The following FUT9 variants were observed in gnomAD, a reference collection of about 807,000 sequenced individuals.
The protein encoded by FUT9 is 4-galactosyl-N-acetylglucosaminide 3-alpha-L-fucosyltransferase 9.
FUT9 carries 15 observed loss-of-function variants against 29.7 expected under a neutral mutation model. The ratio of observed to expected loss-of-function variants is 0.51; its 90% CI spans 0.34 to 0.78. The LOEUF (loss-of-function observed/expected upper bound fraction) is 0.78, where lower values mean the gene tolerates loss of function less well. Ranked by LOEUF, FUT9 falls within the 30% of genes least tolerant of loss-of-function variation. The probability of loss-of-function intolerance (pLI) is 0.01; values close to 1 mark genes in which losing one functional copy is unlikely to be tolerated. For missense variants in FUT9, 319 were observed against 425.4 expected, an observed-to-expected ratio of 0.75 and a Z score of 2.20; for synonymous variants, 169 against 153.7, an observed-to-expected ratio of 1.10 and a Z score of -0.74.
At chr6:96,116,045 A>G (rs903402498) in intron 2 of FUT9, among the ~76,000 whole-genome samples, 2 of 152,226 alleles carry the variant, frequency 1.3e-5, no homozygotes, top group Non-Finnish European at 2.9e-5. Flanking sequence ...CTTGTAAATC[A>G]TGTATCTGAT....
intron 1 of FUT9, among the ~76,000 whole-genome samples, chr6:96,090,839 A>G (rs1771399650): frequency 6.6e-6 from 1 of 152,082 alleles, no homozygotes; most frequent in East Asian, 1.9e-4. Flanking sequence ...TTAATTTATT[A>G]TAAGATATTG....
rs4602726 is a variant in FUT9, at chr6:96,210,276, A to G, written c.*6041A>G. The G allele has an allele frequency of 0.92, 153,655 of 166,978 alleles. 72,106 individuals carry two copies. Among genetic ancestry groups the G allele is most frequent in the Non-Finnish European group, 1 (67,915 of 68,046 alleles). The allele number at this position is 166,978 out of a possible 1,614,324, so 10.3% of individuals were successfully genotyped here. On this transcript the variant is annotated 3_prime_UTR_variant, in exon 3 of 3. Coordinates refer to ENST00000302103, the MANE Select transcript of FUT9 (RefSeq NM_006581.4). ...CTTCAAAATCCAAGACATTTTGTATACCTAATTATTTCACACAAGAGCGTG... is the reference window on the plus strand; with the variant it reads ...CTTCAAAATCCAAGACATTTTGTATGCCTAATTATTTCACACAAGAGCGTG...
intron 1 of FUT9, among the ~76,000 whole-genome samples, chr6:96,102,134 T>A (rs1357754752): frequency 1.3e-5 from 2 of 152,098 alleles, no homozygotes; most frequent in Non-Finnish European, 2.9e-5. Flanking sequence ...TAATATCACA[T>A]CTTTATATGG....
intron 2 of FUT9, among the ~76,000 whole-genome samples, chr6:96,147,707 T>C (rs4355622): frequency 0.91 from 138,059 of 151,528 alleles, 64,282 homozygotes; most frequent in Non-Finnish European, 1. Flanking sequence ...TCATCCTTTC[T>C]GTGCTAATTG....
intron 1 of FUT9, among the ~76,000 whole-genome samples, chr6:96,083,901 T>C (rs1771277304): frequency 6.6e-6 from 1 of 152,074 alleles, no homozygotes; most frequent in Admixed American, 6.6e-5. Flanking sequence ...TTCTTGAGTG[T>C]CTTCCAGACT....
intron 2 of FUT9, among the ~76,000 whole-genome samples, chr6:96,143,357 G>T (rs1433315730): frequency 6.6e-6 from 1 of 152,086 alleles, no homozygotes; most frequent in Non-Finnish European, 1.5e-5. Context: ...TTCAGTTCTT[G>T]GTGTTTGTTA....
At position 96,207,675 on chromosome 6, in the gene FUT9, A is replaced by G. The variant is rs1235929220; in HGVS notation, c.*3440A>G. 2 of 167,012 alleles carry G rather than the reference A, an allele frequency of 1.2e-5. No individual in the cohort carries two copies. The highest frequency in any genetic ancestry group is 2.9e-5 in the Non-Finnish European group (2 of 68,056). 10.3% of individuals were successfully genotyped at this position (167,012 alleles called of 1,614,324 possible). ...ACAAAATTGGTTTGCTGTTGATTATACAAACCAATAATTATGCCTAGAATT... is the reference window on the plus strand; with the variant it reads ...ACAAAATTGGTTTGCTGTTGATTATGCAAACCAATAATTATGCCTAGAATT... On this transcript the variant is annotated 3_prime_UTR_variant, in exon 3 of 3. Coordinates refer to ENST00000302103, the MANE Select transcript of FUT9 (RefSeq NM_006581.4).
At chr6:96,047,127 G>A (rs773701569) in intron 1 of FUT9, among the ~76,000 whole-genome samples, 4 of 152,132 alleles carry the variant, frequency 2.6e-5, no homozygotes, top group Non-Finnish European at 5.9e-5. Flanking sequence ...GAGCCCCATT[G>A]AAGAATAGGA....
intron 1 of FUT9, among the ~76,000 whole-genome samples, chr6:96,086,765 A>G (rs1429307266): frequency 6.6e-6 from 1 of 152,156 alleles, no homozygotes; most frequent in Non-Finnish European, 1.5e-5. Flanking sequence ...AGAACTCATT[A>G]TCTACCATGC....
At chr6:96,070,428 G>A (rs911345106) in intron 1 of FUT9, among the ~76,000 whole-genome samples, 2 of 152,172 alleles carry the variant, frequency 1.3e-5, no homozygotes, top group African/African-American at 2.4e-5. Flanking sequence ...AATTATGCCT[G>A]TAATTCCAGC....
At chr6:96,160,871 T>C (rs1036526762) in intron 2 of FUT9, among the ~76,000 whole-genome samples, 6 of 152,132 alleles carry the variant, frequency 3.9e-5, no homozygotes, top group African/African-American at 1.4e-4. Flanking sequence ...ATAACAATAA[T>C]GAGAAGGTGC....
chr6:96,170,018 T>C (rs1252570764), intron 2 of FUT9, among the ~76,000 whole-genome samples: 1 of 152,132 alleles, frequency 6.6e-6, no homozygotes, highest in African/African-American at 2.4e-5. Context: ...TAGGACTCAT[T>C]TGCAGTTCTA....
intron 1 of FUT9, among the ~76,000 whole-genome samples, chr6:96,055,050 C>A (rs1770737447): frequency 6.6e-6 from 1 of 151,994 alleles, no homozygotes; most frequent in South Asian, 2.1e-4. Context: ...ATTGGTTATA[C>A]CAACAAACAG....
chr6:96,187,232 A>C (rs1773421482), intron 2 of FUT9, among the ~76,000 whole-genome samples: 1 of 152,122 alleles, frequency 6.6e-6, no homozygotes, highest in South Asian at 2.1e-4. Context: ...AATTAAGGGA[A>C]ATGTTCTGGA....
chr6:96,204,026 G>A lies in FUT9; in HGVS notation c.871G>A (p.Asp291Asn), dbSNP rs780994605. Residue 291 changes from aspartate to asparagine, a missense_variant, in exon 3 of 3, where the codon GAT becomes AAT. By Grantham distance (23) the Asp-to-Asn change is conservative. Coordinates refer to ENST00000302103, the MANE Select transcript of FUT9 (RefSeq NM_006581.4). ...IPADSFIHVE[D>N]YNSPSELAKY... ...AGCAGATTCATTCATTCATGTGGAA[G>A]ATTATAACTCTCCCAGTGAGCTAGC... 1 of 1,602,382 alleles carries A rather than the reference G, an allele frequency of 6.2e-7. No individual in the cohort carries two copies. The highest frequency in any genetic ancestry group is 8.5e-7 in the Non-Finnish European group (1 of 1,174,610).
intron 2 of FUT9, among the ~76,000 whole-genome samples, chr6:96,201,252 C>T (rs2127991058): frequency 1.3e-5 from 2 of 151,840 alleles, no homozygotes; most frequent in Admixed American, 1.3e-4. Flanking sequence ...TGTATTTGTA[C>T]AAAAATACAA....
intron 1 of FUT9, among the ~76,000 whole-genome samples, chr6:96,041,805 T>C (rs1254351054): frequency 6.6e-6 from 1 of 152,210 alleles, no homozygotes; most frequent in African/African-American, 2.4e-5. Context: ...CCGATGAGTC[T>C]CCTCTTGTTA....
intron 2 of FUT9, among the ~76,000 whole-genome samples, chr6:96,152,735 CTTTGCCTACGA>C (rs1475384453): frequency 6.6e-6 from 1 of 152,164 alleles, no homozygotes; most frequent in Non-Finnish European, 1.5e-5. Context: ...TGTTGTAAGA[CTTTGCCTACGA>C]ATATTCTGCC....
In FUT9 at chr6:96,209,708, A is replaced by C. The variant is rs990482732; in HGVS notation, c.*5473A>C. The C allele has an allele frequency of 1.1e-4, 18 of 166,716 alleles. No individual in the cohort carries two copies. The highest frequency in any genetic ancestry group is 3.9e-4 in the Admixed American group (6 of 15,212). 10.3% of individuals were successfully genotyped at this position (166,716 alleles called of 1,614,324 possible). A position where few individuals can be genotyped will look rare whatever the true frequency, so the allele number is the denominator to read the frequency against. On this transcript the variant is annotated 3_prime_UTR_variant, in exon 3 of 3. Transcript: ENST00000302103. Reference sequence around the variant, plus strand: ...TAGTTAACATATGTCCATGCATTTGATTTACTTTAAAAATATTTTATTTAA... The same window carrying C: ...TAGTTAACATATGTCCATGCATTTGCTTTACTTTAAAAATATTTTATTTAA...
Sources: allele counts gnomAD v4.1 joint callset (sites outside exome capture counted in the v4.1 genomes callset), GRCh38; gene constraint gnomAD v4.1.1; transcripts MANE v1.5; gene names NCBI Gene and HGNC (gene_info 2026-07-23, HGNC 2026-07-21).